CCDC197: variants seen among roughly 807,000 people sequenced by gnomAD.
The protein encoded by CCDC197 is coiled-coil domain containing 197.
A neutral mutation model predicts 13.4 loss-of-function variants in CCDC197; 24 were observed. The ratio of observed to expected loss-of-function variants is 1.80; its 90% CI spans 1.30 to 2.53. CCDC197 has a LOEUF of 2.53. CCDC197 is among the 30% of genes most tolerant of loss of function. The probability of loss-of-function intolerance (pLI) is 0.00; values close to 1 mark genes in which losing one functional copy is unlikely to be tolerated. For synonymous variants in CCDC197, 99 were observed against 55.5 expected (o/e 1.78, Z -3.48); for missense variants, 255 against 148.8 (o/e 1.71, Z -3.71).
At position 94,004,073 on chromosome 14, in the gene CCDC197, A is replaced by T. The variant is rs115659672; in HGVS notation, c.498+719A>T. ...TACCCACACTCATTTTACAAATGAG[A>T]AAAATGAGGCTCAGAAAGAACAAGT... On this transcript the variant is annotated intron_variant, in intron 5 of 6. Transcript: ENST00000636493. Among the ~76,000 whole-genome samples the T allele has an allele frequency of 3.0e-3, 460 of 152,294 alleles. 3 individuals are homozygous for T. Among genetic ancestry groups the T allele is most frequent in the African/African-American group, 0.011 (447 of 41,560 alleles).
intron 6 of CCDC197, among the ~76,000 whole-genome samples, chr14:94,008,179 G>A (rs1263082510): frequency 2.6e-5 from 4 of 152,226 alleles, no homozygotes; most frequent in African/African-American, 9.6e-5. Flanking sequence ...ACATCTGTCA[G>A]TCACTCAGCC....
Position 94,004,838 on chromosome 14 carries a change from CCTT to C in CCDC197, c.499-14_499-12del, listed in dbSNP as rs1232475916. 1.0e-5 allele frequency: 7 copies of C among 702,554 alleles called. No homozygotes were observed. Among genetic ancestry groups the C allele is most frequent in the Non-Finnish European group, 2.6e-6 (1 of 384,730 alleles). 43.5% of individuals were successfully genotyped at this position (702,554 alleles called of 1,614,324 possible). ...GAGAGAGCCTGAGCCACCACCTCCT[CCTT>C]CTCTTTCCTGCAGGATCAGCTGCTC... On this transcript the variant is annotated splice_polypyrimidine_tract_variant and intron_variant, in intron 5 of 6. Coordinates refer to ENST00000636493, the MANE Select transcript of CCDC197 (RefSeq NM_001351596.2).
Position 93,998,517 on chromosome 14 carries a change from C to T in CCDC197, c.104+282C>T, listed in dbSNP as rs78303073. 9.9e-3 allele frequency among the ~76,000 whole-genome samples: 1,503 copies of T among 152,254 alleles called. 28 individuals are homozygous for T. The highest frequency in any genetic ancestry group is 0.033 in the African/African-American group (1,376 of 41,548). On this transcript the variant is annotated intron_variant, in intron 2 of 6. Transcript: ENST00000636493. ...GGAAGGAGGACTGTGGGTGACCATC[C>T]GTCTGCACCTGTCCACTCGGCCCCT...
chr14:94,006,048 C>G (rs529869511), intron 6 of CCDC197, among the ~76,000 whole-genome samples: 1 of 152,312 alleles, frequency 6.6e-6, no homozygotes, highest in East Asian at 1.9e-4. Context: ...CATCTCTTAA[C>G]TCTATGTTTA....
chr14:93,994,570 G>C (rs1454299620), upstream of CCDC197, among the ~76,000 whole-genome samples: 1 of 152,204 alleles, frequency 6.6e-6, no homozygotes, highest in Non-Finnish European at 1.5e-5. Flanking sequence ...GCCTCTCCCA[G>C]CCTTGTCTGT....
chr14:93,999,537 G>C lies in CCDC197; in HGVS notation c.105-46G>C, dbSNP rs374412502. On this transcript the variant is annotated intron_variant, in intron 2 of 6. Transcript: ENST00000636493. ...CAGGTTCATTCACAGGGGGTCCTGCGTGACCTGGGAGCCTCCAGGCCATGT... is the reference window on the plus strand; with the variant it reads ...CAGGTTCATTCACAGGGGGTCCTGCCTGACCTGGGAGCCTCCAGGCCATGT... The C allele has an allele frequency of 2.7e-5, 21 of 778,962 alleles. No homozygotes were observed. In the African/African-American group the frequency reaches 3.5e-4, roughly 13 times the overall value. The allele number at this position is 778,962 out of a possible 1,614,324, so 48.3% of individuals were successfully genotyped here.
At chr14:94,000,978 G>A in intron 3 of CCDC197, 167 bp from the exon 4 acceptor site, 1 of 422,158 alleles carries the variant, frequency 2.4e-6, no homozygotes, top group Non-Finnish European at 4.0e-6. Context: ...GGGGGGGCGG[G>A]TGTGGATGGC....
At chr14:94,005,863 C>T (rs1025032060) in intron 6 of CCDC197, among the ~76,000 whole-genome samples, 4 of 152,146 alleles carry the variant, frequency 2.6e-5, no homozygotes, top group Admixed American at 6.5e-5. Context: ...ATGGTATGGG[C>T]GTATTTATAT....
chr14:94,002,912 A>G (rs572071506), intron 4 of CCDC197, among the ~76,000 whole-genome samples: 3 of 152,074 alleles, frequency 2.0e-5, no homozygotes, highest in African/African-American at 4.8e-5. Context: ...GCAGTTCTAC[A>G]TGGCTCGGGT....
chr14:93,999,507 T>C, intron 2 of CCDC197, 76 bp from the exon 3 acceptor site: 1 of 765,370 alleles, frequency 1.3e-6, no homozygotes, highest in Non-Finnish European at 2.4e-6. Context: ...TCACAGAGGG[T>C]GGTCCAGGTT....
chr14:94,001,531 T>G, intron 4 of CCDC197: 1 of 489,018 alleles, frequency 2.0e-6, no homozygotes, highest in Non-Finnish European at 3.6e-6. Context: ...TGCCTAACGT[T>G]GTTCTGCGTG....
Position 93,998,055 on chromosome 14 carries a change from GT to G in CCDC197, c.-76del, listed in dbSNP as rs1890371803. 13 of 761,042 alleles carry G rather than the reference GT, an allele frequency of 1.7e-5. No homozygotes were observed. The highest frequency in any genetic ancestry group is 6.8e-5 in the African/African-American group (4 of 58,916). The allele number at this position is 761,042 out of a possible 1,614,324, so 47.1% of individuals were successfully genotyped here. A position where few individuals can be genotyped will look rare whatever the true frequency, so the allele number is the denominator to read the frequency against. ...TGAAGAGGAAGCTGCGGCTGTGACTGTCCCTTTTCGGTCTGTCTTCATCCTG... is the reference window on the plus strand; with the variant it reads ...TGAAGAGGAAGCTGCGGCTGTGACTGCCCTTTTCGGTCTGTCTTCATCCTG... On this transcript the variant is annotated 5_prime_UTR_variant, in exon 2 of 7. Transcript: ENST00000636493.
intron 3 of CCDC197, among the ~76,000 whole-genome samples, chr14:94,000,372 C>T (rs1465572107): frequency 6.6e-6 from 1 of 152,124 alleles, no homozygotes; most frequent in South Asian, 2.1e-4. Flanking sequence ...GACTCTGGTC[C>T]GTCTGACTTC....
At position 94,003,420 on chromosome 14, in the gene CCDC197, C is replaced by A; in HGVS notation, c.498+66C>A. On this transcript the variant is annotated intron_variant, in intron 5 of 6. Transcript: ENST00000636493. The surrounding 1 kb of genome is among the most constrained non-coding windows in gnomAD (Gnocchi z 5.0). ...GGGAAGGGGAAGCTGATGTCTCCAT[C>A]ATCAATCCCAAAACACACAGACACA... The A allele has an allele frequency of 1.5e-6, 1 of 670,624 alleles. No individual in the cohort carries two copies. The highest frequency in any genetic ancestry group is 2.7e-6 in the Non-Finnish European group (1 of 364,802). 41.5% of individuals were successfully genotyped at this position (670,624 alleles called of 1,614,324 possible).
intron 6 of CCDC197, among the ~76,000 whole-genome samples, chr14:94,005,408 C>T (rs1427674451): frequency 3.9e-5 from 6 of 152,160 alleles, no homozygotes; most frequent in African/African-American, 1.2e-4. Flanking sequence ...CATATGAGAA[C>T]GCTGGCAGCG....
intron 6 of CCDC197, 82 bp from the exon 7 acceptor site, chr14:94,008,526 GC>G: frequency 1.5e-6 from 1 of 668,776 alleles, no homozygotes; most frequent in Admixed American, 2.1e-5. Context: ...AAGTAGGTCA[GC>G]CTTTGATGAT....
chr14:93,996,016 C>T (rs557968718), upstream of CCDC197, among the ~76,000 whole-genome samples: 58 of 152,344 alleles, frequency 3.8e-4, no homozygotes, highest in Non-Finnish European at 6.6e-4. Flanking sequence ...TTGTCCCTGC[C>T]ATTCCTTCTG....
At chr14:93,988,493 T>A (rs1169259093) in intron 1 of CCDC197, among the ~76,000 whole-genome samples, 2 of 5,974 alleles carry the variant, frequency 3.3e-4, no homozygotes, top group Non-Finnish European at 6.0e-4. Context: ...AGGAGGGGAT[T>A]GGATAGGGGA....
Position 94,004,889 on chromosome 14 carries a change from C to G in CCDC197, c.533C>G (p.Thr178Ser). The change falls in exon 6 of 7, where the codon ACC (threonine) becomes AGC (serine). Residue 178 changes from threonine to serine, a missense_variant. Physicochemically the swap from Thr to Ser is moderately conservative, Grantham distance 58. Transcript: ENST00000636493. ...QLLGYMQMTI[T>S]NMARQCCPSA... ...CTCGGCTACATGCAAATGACCATCACCAACATGGCCCGGCAGTGCTGCCCC... is the reference window on the plus strand; with the variant it reads ...CTCGGCTACATGCAAATGACCATCAGCAACATGGCCCGGCAGTGCTGCCCC... The G allele has an allele frequency of 1.4e-6, 1 of 703,022 alleles. No homozygotes were observed. The highest frequency in any genetic ancestry group is 1.5e-5 in the South Asian group (1 of 67,592). The allele number at this position is 703,022 out of a possible 1,614,324, so 43.5% of individuals were successfully genotyped here. A position where few individuals can be genotyped will look rare whatever the true frequency, so the allele number is the denominator to read the frequency against.
Sources: gnomAD v4.1 joint callset for allele counts (sites outside exome capture counted in the v4.1 genomes callset) on GRCh38, gnomAD v4.1.1 for gene constraint, Gnocchi (gnomAD v3.1) non-coding constraint, MANE v1.5 for transcripts, NCBI Gene and HGNC (gene_info 2026-07-23, HGNC 2026-07-21) for gene names.